UBR4: variants seen among roughly 807,000 people sequenced by gnomAD.
The protein encoded by UBR4 is ubiquitin protein ligase E3 component n-recognin 4.
UBR4 carries 124 observed loss-of-function variants against 575.6 expected under a neutral mutation model. That is an observed-to-expected ratio of 0.22 (90% CI 0.19 to 0.25). The LOEUF (loss-of-function observed/expected upper bound fraction) is 0.25. Ranked by LOEUF, UBR4 falls within the 10% of genes least tolerant of loss-of-function variation. The pLI is 1.00. For missense variants in UBR4, 4,818 were observed against 6,478.8 expected (o/e 0.74, Z 8.80); for synonymous variants, 2,455 against 2,473.7 (o/e 0.99, Z 0.22).
At chr1:19,123,808 CTAT>C (rs1318133817) in intron 65 of UBR4, among the ~76,000 whole-genome samples, 7 of 152,322 alleles carry the variant, frequency 4.6e-5, no homozygotes, top group Admixed American at 1.3e-4. Context: ...CAGAGTTAAT[CTAT>C]CTCAGGGTTG....
At chr1:19,148,221 C>T in intron 50 of UBR4, 94 bp from the exon 51 acceptor site, 1 of 1,460,214 alleles carries the variant, frequency 6.8e-7, no homozygotes, top group South Asian at 1.4e-5. Context: ...CCTTCTAGGC[C>T]ACCAGGGCTA....
In UBR4 at chr1:19,097,275, C is replaced by T. The variant is rs568612020; in HGVS notation, c.13308G>A (p.Glu4436=). 4.0e-5 allele frequency: 64 copies of T among 1,613,194 alleles called. No individual in the cohort carries two copies. Among genetic ancestry groups the T allele is most frequent in the Non-Finnish European group, 5.4e-5 (64 of 1,179,656 alleles). The change falls in exon 91 of 106, where the codon GAG becomes GAA. Residue 4436 remains glutamate, a synonymous_variant. Transcript: ENST00000375254. The part of the protein sequence containing the change: ...KKVWCTTNEG[E]PMRIVYRMRG... ...GCATACGATAAACAATCCTCATGGG[C>T]TCTCCCTGAGCAGAGAAAGTTGGAG...
intron 102 of UBR4, chr1:19,082,030 T>C: frequency 3.6e-6 from 2 of 557,036 alleles, no homozygotes; most frequent in South Asian, 5.2e-5. Flanking sequence ...TCCCCCTTGC[T>C]CCACATAGTC....
Position 19,150,784 on chromosome 1 carries a change from G to A in UBR4, c.7223C>T (p.Ser2408Leu), listed in dbSNP as rs775786086. 6 of 1,613,742 alleles carry A rather than the reference G, an allele frequency of 3.7e-6. No homozygotes were observed. Among genetic ancestry groups the A allele is most frequent in the Admixed American group, 3.3e-5 (2 of 59,992 alleles). Residue 2408 changes from serine to leucine, a missense_variant, in exon 49 of 106, where the codon TCG (serine) becomes TTG (leucine). Ser to Leu is a moderately radical substitution (Grantham distance 145). Around this residue, in one of 29 missense-constraint regions of UBR4, gnomAD observed 340 missense variants for 375.4 expected, o/e 0.91. Transcript: ENST00000375254. ...DKKLNLFIGA[S>L]VDPAGVTMID... is the part of the protein sequence containing the mutation. ...CATGGTGACACCTGCTGGATCCACC[G>A]AGGCCCCAACTGCAATAAGCAAGAG... is the stretch of plus-strand genomic sequence containing the variant.
At position 19,169,033 on chromosome 1, in the gene UBR4, CGACCCTGTAAAACTGTTACAAAAG is replaced by C. The variant is rs2089040807; in HGVS notation, c.3741+378_3741+401del. 2.0e-5 allele frequency among the ~76,000 whole-genome samples: 3 copies of C among 150,328 alleles called. No individual in the cohort carries two copies. The East Asian group carries it at 5.8e-4, about 29-fold the overall frequency. ...TCTAAAAGCCTAGAGAAGCTAAAAGCGACCCTGTAAAACTGTTACAAAAGGAGCAGGTTCCTGACATACAACCTA... is the reference window on the plus strand; with the variant it reads ...TCTAAAAGCCTAGAGAAGCTAAAAGCGAGCAGGTTCCTGACATACAACCTA... On this transcript the variant is annotated intron_variant, in intron 27 of 105. Coordinates refer to ENST00000375254, the MANE Select transcript of UBR4 (RefSeq NM_020765.3).
chr1:19,091,343 T>G (rs1478493956), intron 97 of UBR4, among the ~76,000 whole-genome samples: 1 of 152,180 alleles, frequency 6.6e-6, no homozygotes, highest in Non-Finnish European at 1.5e-5. Flanking sequence ...TGAGACACAG[T>G]GAAGAATCTT....
Position 19,124,604 on chromosome 1 carries a change from A to G in UBR4, c.9525T>C (p.Thr3175=). The change falls in exon 65 of 106, where the codon ACT becomes ACC. Residue 3175 remains threonine, a synonymous_variant. Transcript: ENST00000375254. ...GAGGTGGGATTCGAGAATTGGTGTC[A>G]GTAATCTTTTTGATTTGGTAAGGAA... is the stretch of plus-strand genomic sequence containing the variant. ...LRLPYQIKKI[T]DTNSRIPPPV... 1.2e-6 allele frequency: 2 copies of G among 1,614,226 alleles called. No individual in the cohort carries two copies. Among genetic ancestry groups the G allele is most frequent in the Non-Finnish European group, 1.7e-6 (2 of 1,180,030 alleles).
intron 14 of UBR4, 132 bp from the exon 15 acceptor site, chr1:19,185,418 C>G: frequency 3.5e-6 from 3 of 867,076 alleles, no homozygotes; most frequent in Non-Finnish European, 5.0e-6. Flanking sequence ...TACAAGATTG[C>G]ATTTGTGTAT....
chr1:19,170,922 C>A (rs2089440327), intron 25 of UBR4, 39 bp from the exon 26 acceptor site: 2 of 1,613,616 alleles, frequency 1.2e-6, no homozygotes, highest in African/African-American at 2.7e-5. Context: ...CCATAAGATT[C>A]TAATCCCACC....
chr1:19,176,191 G>A (rs2090241557), intron 20 of UBR4, among the ~76,000 whole-genome samples: 2 of 151,962 alleles, frequency 1.3e-5, no homozygotes, highest in African/African-American at 4.8e-5. Flanking sequence ...TGGTGCAAGT[G>A]ATTCTCCTGC....
At position 19,138,084 on chromosome 1, in the gene UBR4, G is replaced by T. The variant is rs1285394743; in HGVS notation, c.8829C>A (p.Thr2943=). The T allele has an allele frequency of 6.3e-6, 10 of 1,598,978 alleles. No individual in the cohort carries two copies. Among genetic ancestry groups the T allele is most frequent in the African/African-American group, 1.3e-5 (1 of 74,726 alleles). Reference sequence around the variant, plus strand: ...AGCCATCTCCCTCCTGGTGCCCAGTGGTGGTGCTGATGGCTCCAGTGCTTG... The same window carrying T: ...AGCCATCTCCCTCCTGGTGCCCAGTTGTGGTGCTGATGGCTCCAGTGCTTG... ...VSSSTGAIST[T]TGHQEGDGSE... is the part of the protein sequence containing the mutation. Residue 2943 remains threonine (T), a synonymous_variant, in exon 60 of 106, where the codon ACC becomes ACA. Transcript: ENST00000375254.
In UBR4 at chr1:19,156,350, G is replaced by A. The variant is rs761244550; in HGVS notation, c.5993C>T (p.Thr1998Met). The A allele has an allele frequency of 3.7e-6, 6 of 1,614,198 alleles. No homozygotes were observed. The highest frequency in any genetic ancestry group is 5.1e-6 in the Non-Finnish European group (6 of 1,180,034). ...DHLVLHPQLATGNFIIKAVWL... is the reference protein window; with the variant it reads ...DHLVLHPQLAMGNFIIKAVWL... ...CACGGCTTTGATGATGAAGTTCCCC[G>A]TTGCCAACTGAGGGTGCAAAACCAA... is the stretch of plus-strand genomic sequence containing the variant. Residue 1998 changes from threonine to methionine, a missense_variant, in exon 42 of 106, where the codon ACG becomes ATG. Around this residue, in one of 29 missense-constraint regions of UBR4, gnomAD observed 461 missense variants for 606.9 expected, o/e 0.76. Transcript: ENST00000375254.
At chr1:19,099,799 T>A (rs746151045) in intron 89 of UBR4, 122 bp from the exon 90 acceptor site, 2 of 753,560 alleles carry the variant, frequency 2.7e-6, no homozygotes, top group African/African-American at 1.8e-5. Flanking sequence ...CATGGACCTA[T>A]CAACTCTCCC....
chr1:19,165,820 G>T lies in UBR4; in HGVS notation c.4110-63C>A, dbSNP rs181882107. 1,083 of 1,390,432 alleles carry T rather than the reference G, an allele frequency of 7.8e-4. 6 individuals are homozygous for T. In the African/African-American group the frequency reaches 0.014, roughly 17 times the overall value. 86.1% of individuals were successfully genotyped at this position (1,390,432 alleles called of 1,614,324 possible). A position where few individuals can be genotyped will look rare whatever the true frequency, so the allele number is the denominator to read the frequency against. ...GACCTGTTTCAATGTCCTCCTTATG[G>T]TGATTTATTAAAATCCAAAGTTTGT... On this transcript the variant is annotated intron_variant, in intron 29 of 105. Transcript: ENST00000375254.
chr1:19,120,102 C>T (rs913297946), intron 69 of UBR4, 78 bp downstream of exon 69: 1 of 1,534,544 alleles, frequency 6.5e-7, no homozygotes, highest in Non-Finnish European at 8.9e-7. Flanking sequence ...CCATATGTAA[C>T]CGAAAACAAA....
In UBR4 at chr1:19,076,765, G is replaced by C; in HGVS notation, c.15462C>G (p.Thr5154=). 1 of 1,614,164 alleles carries C rather than the reference G, an allele frequency of 6.2e-7. No individual in the cohort carries two copies. The highest frequency in any genetic ancestry group is 8.5e-7 in the Non-Finnish European group (1 of 1,180,038). Residue 5154 remains threonine (T), a synonymous_variant, in exon 105 of 106, where the codon ACC becomes ACG. Coordinates refer to ENST00000375254, the MANE Select transcript of UBR4 (RefSeq NM_020765.3). The part of the protein sequence containing the change: ...TFQEEFMPVE[T]FSEFLDVAGL... ...CGGCCACATCGAGGAACTCTGAGAA[G>C]GTCTCCACTGGCATGAACTCCTCCT...
At position 19,115,610 on chromosome 1, in the gene UBR4, C is replaced by A; in HGVS notation, c.10851G>T (p.Lys3617Asn). ...NKPARWHKAKKVQLTPGQTEV... is the reference protein window; with the variant it reads ...NKPARWHKAKNVQLTPGQTEV... ...CTGTCTGTCCAGGGGTCAGCTGAACCTTCTTGGCTTTGTGCCAGCGAGCTG... is the reference window on the plus strand; with the variant it reads ...CTGTCTGTCCAGGGGTCAGCTGAACATTCTTGGCTTTGTGCCAGCGAGCTG... Residue 3617 changes from lysine to asparagine, a missense_variant, in exon 74 of 106, where the codon AAG becomes AAT. Transcript: ENST00000375254. 6.2e-7 allele frequency: 1 copy of A among 1,614,202 alleles called. No homozygotes were observed. Among genetic ancestry groups the A allele is most frequent in the Non-Finnish European group, 8.5e-7 (1 of 1,180,022 alleles).
Position 19,150,628 on chromosome 1 carries a change from C to G in UBR4, c.7379G>C (p.Gly2460Ala), listed in dbSNP as rs1289949919. 6.2e-7 allele frequency: 1 copy of G among 1,614,006 alleles called. No individual in the cohort carries two copies. Among genetic ancestry groups the G allele is most frequent in the East Asian group, 2.2e-5 (1 of 44,880 alleles). The change falls in exon 49 of 106, where the codon GGA becomes GCA. Residue 2460 changes from glycine (G) to alanine (A), a missense_variant. Physicochemically the swap from Gly to Ala is moderately conservative, Grantham distance 60. Around this residue, in one of 29 missense-constraint regions of UBR4, gnomAD observed 340 missense variants for 375.4 expected, o/e 0.91. Coordinates refer to ENST00000375254, the MANE Select transcript of UBR4 (RefSeq NM_020765.3). Reference sequence around the variant, plus strand: ...AGTGGGGGCAGCTGAGTCGCTATCTCCAGTGCCGTTGCTCTGGTTCAGATT... The same window carrying G: ...AGTGGGGGCAGCTGAGTCGCTATCTGCAGTGCCGTTGCTCTGGTTCAGATT... ...PSNLNQSNGT[G>A]DSDSAAPTTT...
intron 48 of UBR4, 46 bp downstream of exon 48, chr1:19,151,597 G>A (rs369420493): frequency 1.5e-4 from 246 of 1,601,588 alleles, no homozygotes; most frequent in Non-Finnish European, 1.9e-4. Context: ...TCCCAATTTC[G>A]CAGTCACAAT....
Sources: allele counts gnomAD v4.1 joint callset (sites outside exome capture counted in the v4.1 genomes callset), GRCh38; gene constraint gnomAD v4.1.1; regional missense constraint gnomAD v4.1.1; transcripts MANE v1.5; gene names NCBI Gene and HGNC (gene_info 2026-07-23, HGNC 2026-07-21).